Variants in TNFAIP1 observed in about 807,000 individuals in gnomAD.
TNFAIP1 encodes TNF alpha induced protein 1.
Under a neutral mutation model 32.6 loss-of-function variants are expected in TNFAIP1, and 20 were observed. The observed-to-expected ratio is 0.61, with a 90% confidence interval of 0.43 to 0.89. The LOEUF is 0.89. TNFAIP1 is among the 40% of genes least tolerant of loss of function. The pLI is 0.00. For synonymous variants in TNFAIP1, 166 were observed against 166.8 expected, an observed-to-expected ratio of 1.00 and a Z score of 0.04; for missense variants, 319 against 425.1, an observed-to-expected ratio of 0.75 and a Z score of 2.20.
rs916051655 is a variant in TNFAIP1, at chr17:28,340,310, C to G, written c.207C>G (p.Gly69=). The part of the protein sequence containing the change: ...GRMEVLTDKE[G]WILIDRCGKH... Reference sequence around the variant, plus strand: ...CTGTAGGGCCTTCTGCACCCCTAGGCTGGATCCTCATAGACCGTTGTGGAA... The same window carrying G: ...CTGTAGGGCCTTCTGCACCCCTAGGGTGGATCCTCATAGACCGTTGTGGAA... The change falls in exon 3 of 7, where the codon GGC becomes GGG. Residue 69 remains glycine (G), a splice_region_variant and synonymous_variant. Transcript: ENST00000226225. This position sits in a 1 kb window ranked among gnomAD's most constrained non-coding sequence, Gnocchi z 4.1. 9.3e-6 allele frequency: 15 copies of G among 1,613,660 alleles called. No homozygotes were observed. Among genetic ancestry groups the G allele is most frequent in the African/African-American group, 1.3e-5 (1 of 74,902 alleles).
Position 28,341,515 on chromosome 17 carries a change from G to A in TNFAIP1, c.518+59G>A, listed in dbSNP as rs1362115169. ...GCAGCAGACCCAAGGAGTACTGCCTGTACTCCCAGCACGGTCGGCGTGGGT... is the reference window on the plus strand; with the variant it reads ...GCAGCAGACCCAAGGAGTACTGCCTATACTCCCAGCACGGTCGGCGTGGGT... On this transcript the variant is annotated intron_variant, in intron 5 of 6. Transcript: ENST00000226225. The A allele has an allele frequency of 1.5e-5, 24 of 1,589,498 alleles. No individual in the cohort carries two copies. In the African/African-American group the frequency reaches 2.3e-4, roughly 15 times the overall value.
Position 28,335,800 on chromosome 17 carries a change from G to A in TNFAIP1, c.-171G>A, listed in dbSNP as rs1907117444. ...CTGAGGGGCAGGCGGCTGCAGGCTAGGGGCGGCTCGGAGTCCGCTGGCCAC... is the reference window on the plus strand; with the variant it reads ...CTGAGGGGCAGGCGGCTGCAGGCTAAGGGCGGCTCGGAGTCCGCTGGCCAC... On this transcript the variant is annotated 5_prime_UTR_variant, in exon 1 of 7. Coordinates refer to ENST00000226225, the MANE Select transcript of TNFAIP1 (RefSeq NM_021137.5). 6.6e-6 allele frequency: 1 copy of A among 152,398 alleles called. No homozygotes were observed. Among genetic ancestry groups the A allele is most frequent in the African/African-American group, 2.4e-5 (1 of 41,466 alleles). The allele number at this position is 152,398 out of a possible 1,614,324, so 9.4% of individuals were successfully genotyped here. A position where few individuals can be genotyped will look rare whatever the true frequency, so the allele number is the denominator to read the frequency against.
At chr17:28,338,057 G>A (rs1419687134) in intron 1 of TNFAIP1, among the ~76,000 whole-genome samples, 1 of 152,200 alleles carries the variant, frequency 6.6e-6, no homozygotes, top group Non-Finnish European at 1.5e-5. Context: ...TGAAGGCAAA[G>A]ACAATATTTT....
In TNFAIP1 at chr17:28,340,582, G is replaced by A. The variant is rs1834314973; in HGVS notation, c.375+104G>A. 7 of 1,341,088 alleles carry A rather than the reference G, an allele frequency of 5.2e-6. No homozygotes were observed. In the South Asian group the frequency reaches 7.9e-5, roughly 15 times the overall value. 83.1% of individuals were successfully genotyped at this position (1,341,088 alleles called of 1,614,324 possible). On this transcript the variant is annotated intron_variant, in intron 3 of 6. Transcript: ENST00000226225. The surrounding 1 kb of genome is among the most constrained non-coding windows in gnomAD (Gnocchi z 4.1). ...CCTGGCAGGTTGTGTGGGAGGCGTG[G>A]TTGATGAGTGCAAACCTAATGAGAC... is the stretch of plus-strand genomic sequence containing the variant.
At chr17:28,336,959 C>T (rs1555577518) in intron 1 of TNFAIP1, among the ~76,000 whole-genome samples, 2 of 152,198 alleles carry the variant, frequency 1.3e-5, no homozygotes, top group African/African-American at 4.8e-5. Context: ...GGGAACACAG[C>T]GGTAAACTTG....
intron 1 of TNFAIP1, among the ~76,000 whole-genome samples, chr17:28,336,709 T>C (rs141975441): frequency 6.7e-4 from 102 of 152,286 alleles, no homozygotes; most frequent in African/African-American, 2.4e-3. Context: ...TTCTTAGTCA[T>C]TGGCAACCTC....
Position 28,342,400 on chromosome 17 carries a change from C to T in TNFAIP1, c.672C>T (p.Cys224=). 6.3e-7 allele frequency: 1 copy of T among 1,599,378 alleles called. No individual in the cohort carries two copies. Among genetic ancestry groups the T allele is most frequent in the African/African-American group, 1.3e-5 (1 of 74,824 alleles). ...YGQGRKLAEV[C]CTSIVYATEK... ...AGGGCCGTAAGCTGGCAGAGGTGTG[C>T]TGTACCTCCATCGTGTATGCCACGG... The change falls in exon 6 of 7, where the codon TGC becomes TGT. Residue 224 remains cysteine (C), a synonymous_variant. Transcript: ENST00000226225. The surrounding 1 kb of genome is among the most constrained non-coding windows in gnomAD (Gnocchi z 4.0).
rs540319692 is a variant in TNFAIP1, at chr17:28,346,439, T to G, written c.*1839T>G. 5 of 152,286 alleles carry G rather than the reference T, an allele frequency of 3.3e-5. No individual in the cohort carries two copies. Among genetic ancestry groups the G allele is most frequent in the Admixed American group, 1.3e-4 (2 of 15,298 alleles). 9.4% of individuals were successfully genotyped at this position (152,286 alleles called of 1,614,324 possible). On this transcript the variant is annotated 3_prime_UTR_variant, in exon 7 of 7. Coordinates refer to ENST00000226225, the MANE Select transcript of TNFAIP1 (RefSeq NM_021137.5). ...AACACTCAAATTCCCAGCTCCCCAC[T>G]GAGGTGTTGTGATGCTTGCCTTTTG...
intron 1 of TNFAIP1, among the ~76,000 whole-genome samples, chr17:28,339,006 G>A (rs1039992276): frequency 2.6e-5 from 4 of 151,304 alleles, no homozygotes; most frequent in East Asian, 3.9e-4. Flanking sequence ...TGAGGTGGGC[G>A]GATCGCCTGC....
rs1907415723 is a variant in TNFAIP1, at chr17:28,342,809, A to T, written c.714+367A>T. Among the ~76,000 whole-genome samples the T allele has an allele frequency of 6.6e-6, 1 of 152,200 alleles. No individual in the cohort carries two copies. The highest frequency in any genetic ancestry group is 2.4e-5 in the African/African-American group (1 of 41,444). ...TGGGCCTCAGGTTCCTCATTTGCAG[A>T]CATGGGGATGATAGTATGAATTTAA... On this transcript the variant is annotated intron_variant, in intron 6 of 6. Transcript: ENST00000226225. The surrounding 1 kb of genome is among the most constrained non-coding windows in gnomAD (Gnocchi z 4.0).
At chr17:28,343,729 C>T (rs2142386814) in intron 6 of TNFAIP1, among the ~76,000 whole-genome samples, 1 of 152,108 alleles carries the variant, frequency 6.6e-6, no homozygotes, top group South Asian at 2.1e-4. Context: ...GCTAGAGCCA[C>T]TCTCCCCATG....
rs1555578612 is a variant in TNFAIP1 at position 28,344,466 on chromosome 17, A to T, written c.817A>T (p.Ser273Cys). The T allele has an allele frequency of 6.2e-7, 1 of 1,614,052 alleles. No homozygotes were observed. Among genetic ancestry groups the T allele is most frequent in the East Asian group, 2.2e-5 (1 of 44,882 alleles). ...CTCCTTGTTGGAGGCCACAAGCCGT[A>T]GCCGCAGCCAGGCTTCCCCCAGTGA... ...DNSLLEATSRSRSQASPSEDE... is the reference protein window; with the variant it reads ...DNSLLEATSRCRSQASPSEDE... Residue 273 changes from serine to cysteine, a missense_variant, in exon 7 of 7, where the codon AGC becomes TGC. Coordinates refer to ENST00000226225, the MANE Select transcript of TNFAIP1 (RefSeq NM_021137.5).
chr17:28,343,812 C>T (rs1253333880), intron 6 of TNFAIP1, among the ~76,000 whole-genome samples: 1 of 152,034 alleles, frequency 6.6e-6, no homozygotes, highest in African/African-American at 2.4e-5. Flanking sequence ...GACTGCCTTC[C>T]CTTTCTCCTT....
Position 28,342,217 on chromosome 17 carries a change from C to T in TNFAIP1, c.519-30C>T. ...CCTCCCTTGGACTGGAACCTCACTC[C>T]CAGCCGCTTGGCCCTCATGTTTTTT... is the stretch of plus-strand genomic sequence containing the variant. On this transcript the variant is annotated intron_variant, in intron 5 of 6. Coordinates refer to ENST00000226225, the MANE Select transcript of TNFAIP1 (RefSeq NM_021137.5). This position sits in a 1 kb window ranked among gnomAD's most constrained non-coding sequence, Gnocchi z 4.0. 7.2e-7 allele frequency: 1 copy of T among 1,397,096 alleles called. No homozygotes were observed. The highest frequency in any genetic ancestry group is 9.3e-7 in the Non-Finnish European group (1 of 1,069,910). 86.5% of individuals were successfully genotyped at this position (1,397,096 alleles called of 1,614,324 possible). A position where few individuals can be genotyped will look rare whatever the true frequency, so the allele number is the denominator to read the frequency against.
At chr17:28,344,310 T>C in intron 6 of TNFAIP1, 54 bp from the exon 7 acceptor site, 2 of 1,521,030 alleles carry the variant, frequency 1.3e-6, no homozygotes, top group Non-Finnish European at 1.8e-6. Flanking sequence ...CTCTGACGCA[T>C]GGCTTCCTCT....
Position 28,344,680 on chromosome 17 carries a change from C to A in TNFAIP1, c.*80C>A. The A allele has an allele frequency of 7.0e-7, 1 of 1,426,202 alleles. No homozygotes were observed. Among genetic ancestry groups the A allele is most frequent in the Non-Finnish European group, 9.7e-7 (1 of 1,029,460 alleles). 88.3% of individuals were successfully genotyped at this position (1,426,202 alleles called of 1,614,324 possible). A position where few individuals can be genotyped will look rare whatever the true frequency, so the allele number is the denominator to read the frequency against. On this transcript the variant is annotated 3_prime_UTR_variant, in exon 7 of 7. Coordinates refer to ENST00000226225, the MANE Select transcript of TNFAIP1 (RefSeq NM_021137.5). ...CCGCCCCATTGGCCACCCCATGCTG[C>A]TGCTGCCTGGGTCTCTGCTCTAGCA...
In TNFAIP1 at chr17:28,345,334, G is replaced by GC. The variant is rs11394711; in HGVS notation, c.*735dup. ...CATCCGACAGAGCAGCTCTGGCTTT[G>GC]CAGCCTGGCCAGCAGCTCAGAGTGC... On this transcript the variant is annotated 3_prime_UTR_variant, in exon 7 of 7. Coordinates refer to ENST00000226225, the MANE Select transcript of TNFAIP1 (RefSeq NM_021137.5). 1 allele frequency: 152,524 copies of GC among 152,526 alleles called. 76,261 individuals are homozygous for GC. Among genetic ancestry groups the GC allele is most frequent in the Middle Eastern group, 1 (294 of 294 alleles). 9.4% of individuals were successfully genotyped at this position (152,526 alleles called of 1,614,324 possible). A position where few individuals can be genotyped will look rare whatever the true frequency, so the allele number is the denominator to read the frequency against.
chr17:28,341,175 T>A (rs1907348230), intron 3 of TNFAIP1, 62 bp from the exon 4 acceptor site: 2 of 1,584,136 alleles, frequency 1.3e-6, no homozygotes, highest in African/African-American at 2.7e-5. Context: ...TCCAGAGGTA[T>A]ACCTCGATAA....
chr17:28,341,529 G>A (rs1337832724), intron 5 of TNFAIP1, 73 bp downstream of exon 5: 14 of 1,550,396 alleles, frequency 9.0e-6, no homozygotes, highest in Non-Finnish European at 1.2e-5. Context: ...TCCCAGCACG[G>A]TCGGCGTGGG....
Sources: allele counts gnomAD v4.1 joint callset (sites outside exome capture counted in the v4.1 genomes callset), GRCh38; gene constraint gnomAD v4.1.1; non-coding constraint Gnocchi (gnomAD v3.1); transcripts MANE v1.5; gene names NCBI Gene and HGNC (gene_info 2026-07-23, HGNC 2026-07-21).